Variants in HMCN1 observed in about 807,000 individuals in gnomAD.
HMCN1 encodes the protein hemicentin 1.
Under a neutral mutation model 625.9 loss-of-function variants are expected in HMCN1, and 321 were observed. That is an observed-to-expected ratio of 0.51 (90% CI 0.47 to 0.56). The LOEUF is 0.56. Among genes scored for constraint, HMCN1 ranks in the 20% least tolerant of loss-of-function variants. The pLI, the probability that HMCN1 is intolerant of heterozygous loss-of-function variation, is 0.00. For missense variants in HMCN1, 6,588 were observed against 6,887.3 expected (o/e 0.96, Z 1.54); for synonymous variants, 2,425 against 2,417.6 (o/e 1.00, Z -0.09).
At chr1:186,006,120 G>C (rs904107861) in intron 29 of HMCN1, among the ~76,000 whole-genome samples, 1 of 145,360 alleles carries the variant, frequency 6.9e-6, no homozygotes, top group Non-Finnish European at 1.5e-5. Flanking sequence ...TGGGCAACAA[G>C]AGTGAGACTT....
At chr1:186,132,052 G>A (rs1032542083) in intron 85 of HMCN1, among the ~76,000 whole-genome samples, 8 of 151,808 alleles carry the variant, frequency 5.3e-5, no homozygotes, top group African/African-American at 1.9e-4. Context: ...TTTTTGCTTT[G>A]GTTTCTTACC....
chr1:185,833,567 C>T (rs1307966731), intron 1 of HMCN1, among the ~76,000 whole-genome samples: 1 of 152,100 alleles, frequency 6.6e-6, no homozygotes, highest in Non-Finnish European at 1.5e-5. Context: ...GAGTTTTGAA[C>T]TCAATTTCAA....
In HMCN1 at chr1:186,053,056, C is replaced by T. The variant is rs762495464; in HGVS notation, c.6682C>T (p.Leu2228Phe). Residue 2228 changes from leucine (L) to phenylalanine (F), a missense_variant, in exon 43 of 107, where the codon CTC (leucine) becomes TTC (phenylalanine). Coordinates refer to ENST00000271588, the MANE Select transcript of HMCN1 (RefSeq NM_031935.3). ...CESSGIPPPN[L>F]IWKKKGSPVL... ...ATCAAGTGGTATTCCACCCCCAAAT[C>T]TCATCTGGAAGAAGAAAGGTCAGTT... is the stretch of plus-strand genomic sequence containing the variant. 21 of 1,609,460 alleles carry T rather than the reference C, an allele frequency of 1.3e-5. No individual in the cohort carries two copies. The highest frequency in any genetic ancestry group is 2.2e-5 in the East Asian group (1 of 44,704).
In HMCN1 at chr1:185,933,842, C is replaced by T; in HGVS notation, c.1828+18C>T. On this transcript the variant is annotated intron_variant, in intron 11 of 106. Transcript: ENST00000271588. ...AGTGCAAGGTACAGTGCTTTGGTAA[C>T]TTCTGAATTATGACATCTTTCTGTC... The T allele has an allele frequency of 1.2e-6, 2 of 1,611,008 alleles. No homozygotes were observed. Among genetic ancestry groups the T allele is most frequent in the Non-Finnish European group, 1.7e-6 (2 of 1,178,078 alleles).
chr1:186,000,830 GTTA>G (rs1653145885), intron 26 of HMCN1, among the ~76,000 whole-genome samples: 1 of 151,828 alleles, frequency 6.6e-6, no homozygotes, highest in African/African-American at 2.4e-5. Context: ...GAGCGTGTAG[GTTA>G]TTAACAGTTG....
intron 11 of HMCN1, among the ~76,000 whole-genome samples, chr1:185,941,472 A>T (rs1192068463): frequency 1.3e-5 from 2 of 152,244 alleles, no homozygotes. Flanking sequence ...TTGAAAGCTT[A>T]AAGATCTGGA....
chr1:185,975,333 A>C (rs1478973159), intron 15 of HMCN1, among the ~76,000 whole-genome samples: 1 of 152,132 alleles, frequency 6.6e-6, no homozygotes, highest in Non-Finnish European at 1.5e-5. Flanking sequence ...AAGCATGGCT[A>C]GGGAGGACTC....
chr1:185,858,972 C>T (rs567154330), intron 2 of HMCN1, among the ~76,000 whole-genome samples: 3 of 149,270 alleles, frequency 2.0e-5, no homozygotes, highest in South Asian at 2.1e-4. Flanking sequence ...TCAGAAAGTC[C>T]GTTGATGATT....
chr1:186,173,702 C>G (rs1302138974), intron 102 of HMCN1, among the ~76,000 whole-genome samples: 2 of 146,738 alleles, frequency 1.4e-5, no homozygotes, highest in African/African-American at 5.0e-5. Flanking sequence ...GCATCATGTA[C>G]AGTTACATGC....
Position 186,070,528 on chromosome 1 carries a change from T to C in HMCN1, c.7994-84T>C, listed in dbSNP as rs995935867. 8 of 1,199,712 alleles carry C rather than the reference T, an allele frequency of 6.7e-6. No individual in the cohort carries two copies. In the African/African-American group the frequency reaches 9.1e-5, roughly 14 times the overall value. The allele number at this position is 1,199,712 out of a possible 1,614,324, so 74.3% of individuals were successfully genotyped here. ...CTCTGTTATTTCCTTGTTTTCTTGA[T>C]AAGTAATCCTCAGTGTGATTTCTGT... On this transcript the variant is annotated intron_variant, in intron 51 of 106. Transcript: ENST00000271588.
At chr1:185,816,694 G>A (rs1659864594) in intron 1 of HMCN1, among the ~76,000 whole-genome samples, 1 of 152,170 alleles carries the variant, frequency 6.6e-6, no homozygotes, top group African/African-American at 2.4e-5. Context: ...GGGGGCTGAG[G>A]CATTTAAGTA....
At chr1:185,836,253 C>CT (rs937761561) in intron 1 of HMCN1, among the ~76,000 whole-genome samples, 41 of 152,032 alleles carry the variant, frequency 2.7e-4, no homozygotes, top group African/African-American at 8.9e-4. Flanking sequence ...TGAAATTCCT[C>CT]TTTTTTTTCT....
At chr1:185,944,495 A>G (rs978023152) in intron 11 of HMCN1, among the ~76,000 whole-genome samples, 2 of 152,352 alleles carry the variant, frequency 1.3e-5, no homozygotes, top group South Asian at 2.1e-4. Context: ...GCAAGTCCCT[A>G]TCTTGTGAGT....
At chr1:185,998,505 CT>C (rs1222098477) in intron 25 of HMCN1, among the ~76,000 whole-genome samples, 2 of 152,016 alleles carry the variant, frequency 1.3e-5, no homozygotes, top group African/African-American at 4.8e-5. Context: ...GAGGTGAAGC[CT>C]GGAAGGAGGC....
In HMCN1 at chr1:186,088,110, G is replaced by GT. The variant is rs559753232; in HGVS notation, c.9446-28dup. 75 of 1,602,824 alleles carry GT rather than the reference G, an allele frequency of 4.7e-5. No homozygotes were observed. In the Middle Eastern group the frequency reaches 5.0e-4, roughly 11 times the overall value. On this transcript the variant is annotated intron_variant, in intron 61 of 106. Transcript: ENST00000271588. Reference sequence around the variant, plus strand: ...TAATGAGGACAAATGATTTTCTTCTGTTTTTTTGTTTGTTTGTTTGTTTGT... The same window carrying GT: ...TAATGAGGACAAATGATTTTCTTCTGTTTTTTTTGTTTGTTTGTTTGTTTGT...
At chr1:186,052,285 G>A (rs1171736275) in intron 42 of HMCN1, among the ~76,000 whole-genome samples, 1 of 151,942 alleles carries the variant, frequency 6.6e-6, no homozygotes, top group Non-Finnish European at 1.5e-5. Context: ...TCAGGATCTT[G>A]GAAGAACAAG....
chr1:186,153,282 T>C (rs17466086), intron 96 of HMCN1, among the ~76,000 whole-genome samples: 6,916 of 152,218 alleles, frequency 0.045, 169 homozygotes, highest in South Asian at 0.086. Context: ...GACAGCAAAA[T>C]TATGAAACAA....
At chr1:186,166,699 T>G in intron 99 of HMCN1, 109 bp from the exon 100 acceptor site, 1 of 1,507,986 alleles carries the variant, frequency 6.6e-7, no homozygotes, top group South Asian at 1.2e-5. Flanking sequence ...TTCTTGTTCT[T>G]TTCTAGTTTC....
At chr1:186,058,554 C>T (rs1180401392) in intron 46 of HMCN1, among the ~76,000 whole-genome samples, 2 of 151,710 alleles carry the variant, frequency 1.3e-5, no homozygotes, top group East Asian at 3.9e-4. Context: ...GTATCTAATC[C>T]AAAGTAAATT....
Sources: gnomAD v4.1 joint callset for allele counts (sites outside exome capture counted in the v4.1 genomes callset) on GRCh38, gnomAD v4.1.1 for gene constraint, MANE v1.5 for transcripts, NCBI Gene and HGNC (gene_info 2026-07-23, HGNC 2026-07-21) for gene names.